ASTL: variants seen among roughly 807,000 people sequenced by gnomAD.
ASTL encodes the protein astacin-like metalloendopeptidase.
ASTL carries 27 observed loss-of-function variants against 36.7 expected under a neutral mutation model. The ratio of observed to expected loss-of-function variants is 0.73; its 90% CI spans 0.54 to 1.01. ASTL has a LOEUF of 1.01. Among genes scored for constraint, ASTL ranks in the 50% least tolerant of loss-of-function variants. The pLI, the probability that ASTL is intolerant of heterozygous loss-of-function variation, is 0.00. For missense variants in ASTL, 524 were observed against 572.8 expected, an observed-to-expected ratio of 0.91 and a Z score of 0.87; for synonymous variants, 222 against 228.1, an observed-to-expected ratio of 0.97 and a Z score of 0.24.
rs1033361405 is a variant in ASTL at position 96,124,848 on chromosome 2, C to T, written c.875-577G>A. 7.9e-5 allele frequency among the ~76,000 whole-genome samples: 12 copies of T among 152,158 alleles called. No homozygotes were observed. The highest frequency in any genetic ancestry group is 1.4e-4 in the African/African-American group (6 of 41,442). On this transcript the variant is annotated intron_variant, in intron 8 of 8. Transcript: ENST00000342380. The surrounding 1 kb of genome is among the most constrained non-coding windows in gnomAD (Gnocchi z 4.1). ...CTGCCTCCCATCCCAGTTCCTCCTG[C>T]GCATGCAGCGAGGGCTTCACCAGGA...
In ASTL at chr2:96,138,387, A is replaced by G; in HGVS notation, c.50T>C (p.Leu17Ser). 6.2e-7 allele frequency: 1 copy of G among 1,609,584 alleles called. No individual in the cohort carries two copies. The highest frequency in any genetic ancestry group is 8.5e-7 in the Non-Finnish European group (1 of 1,177,954). ...LWPWVLGLLS[L>S]PGVILGAPLA... ...GGGACAGGCAGCCAGCTTACCTGGCAAGGAGAGCAGACCCAGCACCCAAGG... is the reference window on the plus strand; with the variant it reads ...GGGACAGGCAGCCAGCTTACCTGGCGAGGAGAGCAGACCCAGCACCCAAGG... Residue 17 changes from leucine to serine, a missense_variant, in exon 1 of 9, where the codon TTG becomes TCG. Coordinates refer to ENST00000342380, the MANE Select transcript of ASTL (RefSeq NM_001002036.4).
At position 96,132,529 on chromosome 2, in the gene ASTL, G is replaced by A; in HGVS notation, c.637+11C>T. Reference sequence around the variant, plus strand: ...CCGGCACCAGCCTGTCCTGCGTGTGGCCTGGCTCACCTGGCAGGATCTCGT... The same window carrying A: ...CCGGCACCAGCCTGTCCTGCGTGTGACCTGGCTCACCTGGCAGGATCTCGT... On this transcript the variant is annotated intron_variant, in intron 6 of 8. Coordinates refer to ENST00000342380, the MANE Select transcript of ASTL (RefSeq NM_001002036.4). The surrounding 1 kb of genome is among the most constrained non-coding windows in gnomAD (Gnocchi z 5.4). 1 of 1,585,870 alleles carries A rather than the reference G, an allele frequency of 6.3e-7. No homozygotes were observed. The highest frequency in any genetic ancestry group is 8.6e-7 in the Non-Finnish European group (1 of 1,159,520).
chr2:96,133,093 C>A (rs1682218702), intron 5 of ASTL, among the ~76,000 whole-genome samples: 1 of 152,236 alleles, frequency 6.6e-6, no homozygotes, highest in Non-Finnish European at 1.5e-5. Flanking sequence ...CCACTCGCAC[C>A]CCAGAGGGGA....
chr2:96,129,398 T>C (rs1171958559), intron 8 of ASTL, among the ~76,000 whole-genome samples: 1 of 152,216 alleles, frequency 6.6e-6, no homozygotes, highest in East Asian at 1.9e-4. Flanking sequence ...TTGCTTTCAA[T>C]ACAGGTAATC....
In ASTL at chr2:96,135,285, G is replaced by A. The variant is rs1437842676; in HGVS notation, c.243+66C>T. 4 of 1,380,620 alleles carry A rather than the reference G, an allele frequency of 2.9e-6. No individual in the cohort carries two copies. The African/African-American group carries it at 5.7e-5, about 20-fold the overall frequency. The allele number at this position is 1,380,620 out of a possible 1,614,324, so 85.5% of individuals were successfully genotyped here. On this transcript the variant is annotated intron_variant, in intron 3 of 8. Coordinates refer to ENST00000342380, the MANE Select transcript of ASTL (RefSeq NM_001002036.4). ...ATCAGGCCCCATGGCATCCAGGGTG[G>A]GCTCAGAGGACCTGTCGCCAACTGT...
chr2:96,128,581 C>G (rs1163659653), intron 8 of ASTL, among the ~76,000 whole-genome samples: 1 of 152,214 alleles, frequency 6.6e-6, no homozygotes, highest in African/African-American at 2.4e-5. Context: ...CATCAAGGCT[C>G]TGCTTCTGAA....
Position 96,135,500 on chromosome 2 carries a change from C to G in ASTL, c.182-88G>C, listed in dbSNP as rs182203686. On this transcript the variant is annotated intron_variant, in intron 2 of 8. Coordinates refer to ENST00000342380, the MANE Select transcript of ASTL (RefSeq NM_001002036.4). ...CAAGCAAATCCCTACTTACTTAAGT[C>G]TATTCTTGTGTCTTTCCTAGTGGAT... 1.2e-4 allele frequency: 144 copies of G among 1,162,732 alleles called. No individual in the cohort carries two copies. The Admixed American group carries it at 1.9e-3, about 15-fold the overall frequency. The allele number at this position is 1,162,732 out of a possible 1,614,324, so 72.0% of individuals were successfully genotyped here.
intron 2 of ASTL, among the ~76,000 whole-genome samples, chr2:96,135,825 A>G (rs926400759): frequency 1.3e-5 from 2 of 152,138 alleles, no homozygotes; most frequent in Non-Finnish European, 2.9e-5. Flanking sequence ...TCCCCTGCTC[A>G]AACACAGCCC....
Position 96,124,200 on chromosome 2 carries a change from G to T in ASTL, c.946C>A (p.Leu316Met), listed in dbSNP as rs751199246. ...SLSLQRLLEA[L>M]SAESRSPDPS... Reference sequence around the variant, plus strand: ...TCGGGGCTCCTGGATTCCGCCGACAGTGCCTCCAAAAGCCGCTGCAGAGAT... The same window carrying T: ...TCGGGGCTCCTGGATTCCGCCGACATTGCCTCCAAAAGCCGCTGCAGAGAT... The change falls in exon 9 of 9, where the codon CTG becomes ATG. Residue 316 changes from leucine (L) to methionine (M), a missense_variant. Leu to Met is a conservative substitution (Grantham distance 15, BLOSUM62 2). Coordinates refer to ENST00000342380, the MANE Select transcript of ASTL (RefSeq NM_001002036.4). This position sits in a 1 kb window ranked among gnomAD's most constrained non-coding sequence, Gnocchi z 4.1. 6.6e-7 allele frequency: 1 copy of T among 1,525,976 alleles called. No individual in the cohort carries two copies. 94.5% of individuals were successfully genotyped at this position (1,525,976 alleles called of 1,614,324 possible). A position where few individuals can be genotyped will look rare whatever the true frequency, so the allele number is the denominator to read the frequency against.
In ASTL at chr2:96,123,932, T is replaced by C. The variant is rs1441302461; in HGVS notation, c.1214A>G (p.Gln405Arg). 1 of 1,614,054 alleles carries C rather than the reference T, an allele frequency of 6.2e-7. No homozygotes were observed. The highest frequency in any genetic ancestry group is 8.5e-7 in the Non-Finnish European group (1 of 1,179,990). The change falls in exon 9 of 9, where the codon CAG becomes CGG. Residue 405 changes from glutamine (Q) to arginine (R), a missense_variant. Physicochemically the swap from Gln to Arg is conservative, Grantham distance 43. Coordinates refer to ENST00000342380, the MANE Select transcript of ASTL (RefSeq NM_001002036.4). The part of the protein sequence containing the change: ...PTVPSSEAGI[Q>R]PVPVQGSPAL... ...TGGGCTTCCCTGGACAGGGACTGGC[T>C]GGATTCCTGCTTCTGAAGATGGGAC...
rs1222355383 is a variant in ASTL at position 96,137,709 on chromosome 2, G to A, written c.56-9C>T. The A allele has an allele frequency of 6.2e-7, 1 of 1,610,662 alleles. No individual in the cohort carries two copies. Among genetic ancestry groups the A allele is most frequent in the East Asian group, 2.2e-5 (1 of 44,822 alleles). ...CGCTCCTAGGATCACACCTGGTCCA[G>A]ACAGACAGGGGCATACACAGATGCC... On this transcript the variant is annotated splice_polypyrimidine_tract_variant and intron_variant, in intron 1 of 8. Coordinates refer to ENST00000342380, the MANE Select transcript of ASTL (RefSeq NM_001002036.4).
intron 4 of ASTL, 75 bp from the exon 5 acceptor site, chr2:96,133,617 G>C (rs1174727675): frequency 3.7e-6 from 4 of 1,079,364 alleles, no homozygotes; most frequent in Non-Finnish European, 5.7e-6. Flanking sequence ...TGGGAGCAGA[G>C]CTCTGAACTC....
chr2:96,132,449 A>G lies in ASTL; in HGVS notation c.637+91T>C, dbSNP rs910545878. 8.3e-7 allele frequency: 1 copy of G among 1,200,506 alleles called. No individual in the cohort carries two copies. Among genetic ancestry groups the G allele is most frequent in the East Asian group, 2.5e-5 (1 of 39,534 alleles). 74.4% of individuals were successfully genotyped at this position (1,200,506 alleles called of 1,614,324 possible). A position where few individuals can be genotyped will look rare whatever the true frequency, so the allele number is the denominator to read the frequency against. On this transcript the variant is annotated intron_variant, in intron 6 of 8. Coordinates refer to ENST00000342380, the MANE Select transcript of ASTL (RefSeq NM_001002036.4). This position sits in a 1 kb window ranked among gnomAD's most constrained non-coding sequence, Gnocchi z 5.4. ...AGCAGGCAGGTGATGGGGAGGATGG[A>G]TAGCCTCACCCATGGGGACCAGGCG...
At chr2:96,126,798 A>G (rs1365446454) in intron 8 of ASTL, among the ~76,000 whole-genome samples, 1 of 151,906 alleles carries the variant, frequency 6.6e-6, no homozygotes, top group East Asian at 1.9e-4. Context: ...GGAGGTTGTA[A>G]TGAGGCAAGA....
chr2:96,124,237 A>G lies in ASTL; in HGVS notation c.909T>C (p.Ala303=). ...SHAHSTGRSP[A]PASLSLQRLL... is the part of the protein sequence containing the mutation. ...GCCGCTGCAGAGATAGGGAGGCCGG[A>G]GCGGGGCTCCTACCAGTGCTGTGGG... Residue 303 remains alanine, a synonymous_variant, in exon 9 of 9, where the codon GCT becomes GCC. Coordinates refer to ENST00000342380, the MANE Select transcript of ASTL (RefSeq NM_001002036.4). This position sits in a 1 kb window ranked among gnomAD's most constrained non-coding sequence, Gnocchi z 4.1. 6.6e-7 allele frequency: 1 copy of G among 1,515,630 alleles called. No individual in the cohort carries two copies. The highest frequency in any genetic ancestry group is 8.8e-7 in the Non-Finnish European group (1 of 1,133,656). The allele number at this position is 1,515,630 out of a possible 1,614,324, so 93.9% of individuals were successfully genotyped here.
At chr2:96,125,148 G>T (rs1046231652) in intron 8 of ASTL, among the ~76,000 whole-genome samples, 2 of 152,044 alleles carry the variant, frequency 1.3e-5, no homozygotes, top group Non-Finnish European at 2.9e-5. Flanking sequence ...ACCTACATAG[G>T]CTTCACAGCC....
chr2:96,135,443 T>A lies in ASTL; in HGVS notation c.182-31A>T. On this transcript the variant is annotated intron_variant, in intron 2 of 8. Coordinates refer to ENST00000342380, the MANE Select transcript of ASTL (RefSeq NM_001002036.4). Reference sequence around the variant, plus strand: ...AAAGGAAGAAGGACGTGTTGGCCCATGTCCCCCAGAACACTGACTCGTGGG... The same window carrying A: ...AAAGGAAGAAGGACGTGTTGGCCCAAGTCCCCCAGAACACTGACTCGTGGG... 1.9e-6 allele frequency: 3 copies of A among 1,608,524 alleles called. No individual in the cohort carries two copies. The Middle Eastern group carries it at 5.0e-4, about 266-fold the overall frequency.
In ASTL at chr2:96,122,920, C is replaced by T. The variant is rs1013709793; in HGVS notation, c.*930G>A. On this transcript the variant is annotated 3_prime_UTR_variant, in exon 9 of 9. Coordinates refer to ENST00000342380, the MANE Select transcript of ASTL (RefSeq NM_001002036.4). ...TTGACCCTCTGAAAGGCCACCAAAACAGTACCCTTGGGGACTGAGGGGCCT... is the reference window on the plus strand; with the variant it reads ...TTGACCCTCTGAAAGGCCACCAAAATAGTACCCTTGGGGACTGAGGGGCCT... Among the ~76,000 whole-genome samples, 4 of 152,278 alleles carry T rather than the reference C, an allele frequency of 2.6e-5. No homozygotes were observed. The highest frequency in any genetic ancestry group is 4.8e-5 in the African/African-American group (2 of 41,478).
chr2:96,138,110 G>A (rs1682342768), intron 1 of ASTL, among the ~76,000 whole-genome samples: 1 of 152,166 alleles, frequency 6.6e-6, no homozygotes. Flanking sequence ...CCAGGCTGGA[G>A]TGGGGACTTA....
Sources: allele counts gnomAD v4.1 joint callset (sites outside exome capture counted in the v4.1 genomes callset), GRCh38; gene constraint gnomAD v4.1.1; non-coding constraint Gnocchi (gnomAD v3.1); transcripts MANE v1.5; gene names NCBI Gene and HGNC (gene_info 2026-07-23, HGNC 2026-07-21).